SLC24A4: variants seen among roughly 807,000 people sequenced by gnomAD.
The protein encoded by SLC24A4 is solute carrier family 24 member 4.
SLC24A4 carries 53 observed loss-of-function variants against 79.0 expected under a neutral mutation model. The observed-to-expected ratio is 0.67, with a 90% CI of 0.54 to 0.84. The LOEUF (loss-of-function observed/expected upper bound fraction) is 0.84, where lower values mean the gene tolerates loss of function less well. Among genes scored for constraint, SLC24A4 ranks in the 40% least tolerant of loss-of-function variants. SLC24A4 has a pLI of 0.00. For missense variants in SLC24A4, 731 were observed against 822.0 expected (o/e 0.89, Z 1.35); for synonymous variants, 323 against 323.8 (o/e 1.00, Z 0.03).
At chr14:92,409,309 C>T (rs1290751873) in intron 2 of SLC24A4, among the ~76,000 whole-genome samples, 10 of 152,176 alleles carry the variant, frequency 6.6e-5, no homozygotes, top group Non-Finnish European at 8.8e-5. Flanking sequence ...AGCCAAGTCC[C>T]AATGACCATG....
intron 12 of SLC24A4, chr14:92,457,303 A>G (rs1893536346): frequency 1.1e-4 from 1 of 9,218 alleles, no homozygotes. Flanking sequence ...TCATTCCTAG[A>G]ACTGCGCACC....
intron 2 of SLC24A4, among the ~76,000 whole-genome samples, chr14:92,366,784 G>C (rs1228669134): frequency 6.6e-6 from 1 of 152,142 alleles, no homozygotes; most frequent in Non-Finnish European, 1.5e-5. Context: ...TTTTTCTGTG[G>C]GTTTTCGCAA....
chr14:92,474,798 T>C (rs1894645037), intron 12 of SLC24A4, among the ~76,000 whole-genome samples: 2 of 39,788 alleles, frequency 5.0e-5, no homozygotes, highest in East Asian at 3.1e-4. Flanking sequence ...TGTGTGTATA[T>C]ATATACATAT....
At chr14:92,457,397 T>C (rs985820919) in intron 12 of SLC24A4, 1 of 152,826 alleles carries the variant, frequency 6.5e-6, no homozygotes, top group Admixed American at 6.5e-5. Flanking sequence ...CTTCTTCAGG[T>C]CTCTGCTTAA....
intron 2 of SLC24A4, among the ~76,000 whole-genome samples, chr14:92,423,412 G>A (rs559555482): frequency 7.2e-5 from 11 of 152,068 alleles, no homozygotes; most frequent in Non-Finnish European, 1.3e-4. Flanking sequence ...TTCAAAGTGC[G>A]GCCTCCTAAA....
At chr14:92,358,602 G>A (rs1181655998) in intron 2 of SLC24A4, among the ~76,000 whole-genome samples, 2 of 151,482 alleles carry the variant, frequency 1.3e-5, no homozygotes, top group Non-Finnish European at 2.9e-5. Flanking sequence ...AGGAACCCTC[G>A]ATGTCTTCCT....
intron 2 of SLC24A4, among the ~76,000 whole-genome samples, chr14:92,409,271 G>A (rs1890571648): frequency 6.6e-6 from 1 of 152,220 alleles, no homozygotes; most frequent in Non-Finnish European, 1.5e-5. Flanking sequence ...AATGGACCTA[G>A]GGAAGGAGGT....
At chr14:92,456,672 A>G in intron 12 of SLC24A4, 64 bp downstream of exon 12, 1 of 1,529,900 alleles carries the variant, frequency 6.5e-7, no homozygotes, top group Non-Finnish European at 8.9e-7. Context: ...GACCAAGCCC[A>G]GGTCTTCAGG....
At chr14:92,484,217 A>T (rs1895235019) in intron 13 of SLC24A4, 1 of 985,112 alleles carries the variant, frequency 1.0e-6, no homozygotes, top group South Asian at 4.7e-5. Context: ...TAAACAGTGT[A>T]TGGGAGCCAT....
intron 2 of SLC24A4, among the ~76,000 whole-genome samples, chr14:92,369,837 C>T (rs760333137): frequency 6.6e-6 from 1 of 152,216 alleles, no homozygotes; most frequent in African/African-American, 2.4e-5. Context: ...TATCTCCACA[C>T]ATTGTCAAAT....
intron 2 of SLC24A4, among the ~76,000 whole-genome samples, chr14:92,327,413 G>A (rs1214190276): frequency 6.6e-6 from 1 of 152,170 alleles, no homozygotes; most frequent in South Asian, 2.1e-4. Flanking sequence ...TGGACATGTG[G>A]GCCGACTGAT....
intron 3 of SLC24A4, 55 bp downstream of exon 3, chr14:92,434,043 C>T: frequency 2.2e-6 from 3 of 1,355,606 alleles, no homozygotes; most frequent in Non-Finnish European, 3.2e-6. Flanking sequence ...AGCCTCTCTG[C>T]ACAGCGGGGC....
intron 2 of SLC24A4, among the ~76,000 whole-genome samples, chr14:92,391,407 G>C (rs539308352): frequency 6.6e-6 from 1 of 152,292 alleles, no homozygotes; most frequent in South Asian, 2.1e-4. Context: ...GCTAAACACT[G>C]GGTTTCCCTA....
chr14:92,422,084 TATCCTTCTGG>T (rs1301674519), intron 2 of SLC24A4, among the ~76,000 whole-genome samples: 1 of 152,242 alleles, frequency 6.6e-6, no homozygotes, highest in Non-Finnish European at 1.5e-5. Flanking sequence ...TGTCTTTAAC[TATCCTTCTGG>T]GTAGTACTCT....
At chr14:92,405,958 A>G (rs1163560542) in intron 2 of SLC24A4, among the ~76,000 whole-genome samples, 2 of 152,222 alleles carry the variant, frequency 1.3e-5, no homozygotes, top group African/African-American at 4.8e-5. Flanking sequence ...GTCCAAGTCC[A>G]AAGTCTCATC....
At position 92,340,498 on chromosome 14, in the gene SLC24A4, CAG is replaced by C. The variant is rs1426154526; in HGVS notation, c.241+14521_241+14522del. Among the ~76,000 whole-genome samples the C allele has an allele frequency of 2.6e-5, 4 of 152,280 alleles. No homozygotes were observed. The East Asian group carries it at 7.7e-4, about 29-fold the overall frequency. ...GTGGTGAGAGAGAACTTGACCAAAT[CAG>C]GGGCAAGGGAGATGTGTTCAGCTGG... is the stretch of plus-strand genomic sequence containing the variant. On this transcript the variant is annotated intron_variant, in intron 2 of 16. Coordinates refer to ENST00000532405, the MANE Select transcript of SLC24A4 (RefSeq NM_153646.4).
chr14:92,354,569 G>A (rs927126927), intron 2 of SLC24A4, among the ~76,000 whole-genome samples: 4 of 152,212 alleles, frequency 2.6e-5, no homozygotes, highest in African/African-American at 4.8e-5. Context: ...AGTATCTGAT[G>A]TGCTAGAATA....
At chr14:92,350,601 C>G (rs1410450438) in intron 2 of SLC24A4, among the ~76,000 whole-genome samples, 1 of 152,220 alleles carries the variant, frequency 6.6e-6, no homozygotes, top group Non-Finnish European at 1.5e-5. Context: ...ATCCACACAT[C>G]TCAAACGCCA....
intron 2 of SLC24A4, among the ~76,000 whole-genome samples, chr14:92,366,835 C>T (rs1443089428): frequency 2.0e-5 from 3 of 152,104 alleles, no homozygotes; most frequent in African/African-American, 7.2e-5. Context: ...CTGGAATAGG[C>T]GGGGAAGGGG....
Sources: allele counts gnomAD v4.1 joint callset (sites outside exome capture counted in the v4.1 genomes callset), GRCh38; gene constraint gnomAD v4.1.1; transcripts MANE v1.5; gene names NCBI Gene and HGNC (gene_info 2026-07-23, HGNC 2026-07-21).